The following PLCG2 variants were observed in gnomAD, a reference collection of about 807,000 sequenced individuals.
PLCG2 encodes the protein 1-phosphatidylinositol 4,5-bisphosphate phosphodiesterase gamma-2.
Under a neutral mutation model 175.6 loss-of-function variants are expected in PLCG2, and 69 were observed. The ratio of observed to expected loss-of-function variants is 0.39; its 90% CI spans 0.32 to 0.48. The LOEUF (loss-of-function observed/expected upper bound fraction) is 0.48. PLCG2 is among the 20% of genes least tolerant of loss of function. The probability of loss-of-function intolerance (pLI) is 0.91; values close to 1 mark genes in which losing one functional copy is unlikely to be tolerated. For missense variants in PLCG2, 1,798 were observed against 1,650.9 expected, an observed-to-expected ratio of 1.09 and a Z score of -1.54; for synonymous variants, 827 against 624.0, an observed-to-expected ratio of 1.33 and a Z score of -4.85.
chr16:81,877,578 A>C (rs1907861758), intron 7 of PLCG2, among the ~76,000 whole-genome samples: 1 of 152,142 alleles, frequency 6.6e-6, no homozygotes, highest in Non-Finnish European at 1.5e-5. Flanking sequence ...TGTGTTCCAG[A>C]CATCTTTCAT....
At chr16:81,951,532 C>T (rs1468679326) in intron 31 of PLCG2, among the ~76,000 whole-genome samples, 1 of 152,166 alleles carries the variant, frequency 6.6e-6, no homozygotes, top group Non-Finnish European at 1.5e-5. Flanking sequence ...TTTCACTCCA[C>T]CAAAGTAAGA....
chr16:81,869,199 C>T lies in PLCG2; in HGVS notation c.480-15C>T, dbSNP rs368147709. The T allele has an allele frequency of 1.2e-4, 187 of 1,608,474 alleles. 1 individual carries two copies. The highest frequency in any genetic ancestry group is 2.2e-4 in the Admixed American group (13 of 59,996). ...AACCCTCAAGGTGACAGAACTGGGT[C>T]TCCCTCTTTTGCAGCATCAGTCTCC... On this transcript the variant is annotated splice_polypyrimidine_tract_variant and intron_variant, in intron 5 of 32. Transcript: ENST00000564138.
rs1911791397 is a variant in PLCG2 at position 81,961,937 on chromosome 16, CGATCT to C, written c.*3941_*3945del. ...TAAGATTGCTGATCGGATGTGAGGG[CGATCT>C]GGCTGCGACATCTGTCACCCCATTG... On this transcript the variant is annotated 3_prime_UTR_variant, in exon 33 of 33. Transcript: ENST00000564138. 1 of 198,440 alleles carries C rather than the reference CGATCT, an allele frequency of 5.0e-6. No individual in the cohort carries two copies. Among genetic ancestry groups the C allele is most frequent in the South Asian group, 1.9e-4 (1 of 5,210 alleles). 12.3% of individuals were successfully genotyped at this position (198,440 alleles called of 1,614,324 possible). A position where few individuals can be genotyped will look rare whatever the true frequency, so the allele number is the denominator to read the frequency against.
Position 81,869,273 on chromosome 16 carries a change from C to G in PLCG2, c.539C>G (p.Ala180Gly). Reference protein sequence around the residue: ...LPLINFKVSSAKFLKDKFVEI... With the variant: ...LPLINFKVSSGKFLKDKFVEI... ...CTGATCAACTTTAAAGTGAGCAGTG[C>G]CAAGTTCCTTAAAGATAAGTTTGTG... The change falls in exon 6 of 33, where the codon GCC becomes GGC. Residue 180 changes from alanine to glycine, a missense_variant. Transcript: ENST00000564138. 6.2e-7 allele frequency: 1 copy of G among 1,613,208 alleles called. No individual in the cohort carries two copies. Among genetic ancestry groups the G allele is most frequent in the Non-Finnish European group, 8.5e-7 (1 of 1,179,148 alleles).
intron 7 of PLCG2, among the ~76,000 whole-genome samples, chr16:81,872,407 C>T (rs1340041338): frequency 6.6e-6 from 1 of 152,140 alleles, no homozygotes; most frequent in Non-Finnish European, 1.5e-5. Context: ...TGGAAGAAAG[C>T]ACCTCACATT....
Position 81,786,086 on chromosome 16 carries a change from T to C in PLCG2, c.97T>C (p.Phe33Leu), listed in dbSNP as rs773040139. The stretch of plus-strand genomic sequence containing the variant: ...GGGGACGGTGATGACTGTGTTCAGC[T>C]TCCGCAAGTCCACCCCCGAGCGGAG... ...ELGTVMTVFS[F>L]RKSTPERRTV... Residue 33 changes from phenylalanine to leucine, a missense_variant, in exon 2 of 33, where the codon TTC becomes CTC. Coordinates refer to ENST00000564138, the MANE Select transcript of PLCG2 (RefSeq NM_002661.5). 2.0e-5 allele frequency: 32 copies of C among 1,614,054 alleles called. No homozygotes were observed. The highest frequency in any genetic ancestry group is 2.3e-5 in the Non-Finnish European group (27 of 1,180,018).
chr16:81,860,198 A>C (rs1012162908), intron 5 of PLCG2, among the ~76,000 whole-genome samples: 31 of 131,462 alleles, frequency 2.4e-4, no homozygotes, highest in African/African-American at 8.5e-4. Flanking sequence ...GTAAAGGTGA[A>C]GTCTTACCCA....
chr16:81,846,130 G>C (rs1159455347), intron 2 of PLCG2, among the ~76,000 whole-genome samples: 1 of 152,158 alleles, frequency 6.6e-6, no homozygotes, highest in Non-Finnish European at 1.5e-5. Flanking sequence ...GTGGCTCACA[G>C]GTGCCCCTTC....
intron 2 of PLCG2, among the ~76,000 whole-genome samples, chr16:81,805,767 G>GTTTTTTTGTTTTTTTTTTT (rs1911983342): frequency 2.5e-5 from 1 of 39,520 alleles, no homozygotes; most frequent in African/African-American, 1.2e-4. Context: ...GTTTTGTTTT[G>GTTTTTTTGTTTTTTTTTTT]TTTTTTTTTT....
At chr16:81,784,241 C>T (rs990689204) in intron 1 of PLCG2, among the ~76,000 whole-genome samples, 4 of 152,188 alleles carry the variant, frequency 2.6e-5, no homozygotes, top group Admixed American at 2.0e-4. Flanking sequence ...CATTTGCATC[C>T]TAGTCCCCAC....
chr16:81,927,417 T>A (rs12716925), intron 23 of PLCG2, among the ~76,000 whole-genome samples: 105,573 of 151,720 alleles, frequency 0.7, 37,763 homozygotes, highest in East Asian at 0.82. Context: ...AAGGATTTCA[T>A]TATGCAGGAG....
At position 81,958,262 on chromosome 16, in the gene PLCG2, A is replaced by G; in HGVS notation, c.*264A>G. Reference sequence around the variant, plus strand: ...CTCATTTTTGGCCTCTCATGTTCCAAACCTCATTGAATAAAAGCAATGAAA... The same window carrying G: ...CTCATTTTTGGCCTCTCATGTTCCAGACCTCATTGAATAAAAGCAATGAAA... On this transcript the variant is annotated 3_prime_UTR_variant, in exon 33 of 33. Transcript: ENST00000564138. 1 of 477,412 alleles carries G rather than the reference A, an allele frequency of 2.1e-6. No individual in the cohort carries two copies. Among genetic ancestry groups the G allele is most frequent in the Non-Finnish European group, 3.8e-6 (1 of 264,622 alleles). 29.6% of individuals were successfully genotyped at this position (477,412 alleles called of 1,614,324 possible). A position where few individuals can be genotyped will look rare whatever the true frequency, so the allele number is the denominator to read the frequency against.
rs1226220869 is a variant in PLCG2, at chr16:81,919,603, T to C, written c.2174T>C (p.Leu725Pro). Residue 725 changes from leucine (L) to proline (P), a missense_variant, in exon 20 of 33, where the codon CTC becomes CCC. Leu to Pro is a moderately conservative substitution (Grantham distance 98). Coordinates refer to ENST00000564138, the MANE Select transcript of PLCG2 (RefSeq NM_002661.5). ...ELVSYYEKHS[L>P]YRKMRLRYPV... Reference sequence around the variant, plus strand: ...GTCAGTTACTACGAGAAGCATTCACTCTACCGAAAGATGAGACTGCGCTAC... The same window carrying C: ...GTCAGTTACTACGAGAAGCATTCACCCTACCGAAAGATGAGACTGCGCTAC... 1 of 1,614,050 alleles carries C rather than the reference T, an allele frequency of 6.2e-7. No individual in the cohort carries two copies. Among genetic ancestry groups the C allele is most frequent in the Non-Finnish European group, 8.5e-7 (1 of 1,180,022 alleles).
intron 19 of PLCG2, among the ~76,000 whole-genome samples, chr16:81,913,320 T>A (rs1909712966): frequency 1.3e-5 from 2 of 152,206 alleles, no homozygotes; most frequent in African/African-American, 4.8e-5. Context: ...CTGCTATATG[T>A]TGAGTTCCTA....
intron 5 of PLCG2, among the ~76,000 whole-genome samples, chr16:81,862,866 C>T (rs909942483): frequency 6.6e-6 from 1 of 151,940 alleles, no homozygotes; most frequent in Admixed American, 6.6e-5. Context: ...AGTGAGATCC[C>T]ATCTCAAAAA....
At chr16:81,792,502 AAAAAAAAAAG>A (rs1162539116) in intron 2 of PLCG2, among the ~76,000 whole-genome samples, 6 of 129,752 alleles carry the variant, frequency 4.6e-5, no homozygotes, top group African/African-American at 1.7e-4. Flanking sequence ...AAAAAAAAAA[AAAAAAAAAAG>A]ACAAAACAAA....
rs2143532795 is a variant in PLCG2, at chr16:81,870,939, A to T, written c.648+4A>T. On this transcript the variant is annotated splice_donor_region_variant and intron_variant, in intron 7 of 32. Coordinates refer to ENST00000564138, the MANE Select transcript of PLCG2 (RefSeq NM_002661.5). Reference sequence around the variant, plus strand: ...TATGTTTGAACAGCAAAAATCGGTAAGATGATTCTTGAGCAAGTGATCAAG... The same window carrying T: ...TATGTTTGAACAGCAAAAATCGGTATGATGATTCTTGAGCAAGTGATCAAG... 1 of 1,514,864 alleles carries T rather than the reference A, an allele frequency of 6.6e-7. No individual in the cohort carries two copies. The highest frequency in any genetic ancestry group is 1.7e-4 in the Middle Eastern group (1 of 5,878). The allele number at this position is 1,514,864 out of a possible 1,614,324, so 93.8% of individuals were successfully genotyped here.
chr16:81,750,663 A>ATTATTTTTTTTTT (rs1909790914), intron 1 of PLCG2, among the ~76,000 whole-genome samples: 1 of 68,446 alleles, frequency 1.5e-5, no homozygotes, highest in Non-Finnish European at 2.6e-5. Flanking sequence ...GGGACTGGAG[A>ATTATTTTTTTTTT]TTTTTTTTTT....
At chr16:81,895,687 C>G in intron 12 of PLCG2, 120 bp from the exon 13 acceptor site, 2 of 1,107,356 alleles carry the variant, frequency 1.8e-6, no homozygotes, top group Non-Finnish European at 2.7e-6. Context: ...TGTTGGCAGC[C>G]GAATGGAGGG....
Sources: allele counts gnomAD v4.1 joint callset (sites outside exome capture counted in the v4.1 genomes callset), GRCh38; gene constraint gnomAD v4.1.1; transcripts MANE v1.5; gene names NCBI Gene and HGNC (gene_info 2026-07-23, HGNC 2026-07-21).